MTOR: variants seen among roughly 807,000 people sequenced by gnomAD.
MTOR encodes the protein serine/threonine-protein kinase mTOR.
MTOR carries 70 observed loss-of-function variants against 319.8 expected under a neutral mutation model. That is an observed-to-expected ratio of 0.22 (90% CI 0.18 to 0.27). The LOEUF is 0.27. Among genes scored for constraint, MTOR ranks in the 10% least tolerant of loss-of-function variants. The probability of loss-of-function intolerance (pLI) is 1.00; values close to 1 mark genes in which losing one functional copy is unlikely to be tolerated. For missense variants in MTOR, 1,890 were observed against 3,274.4 expected, an observed-to-expected ratio of 0.58 and a Z score of 10.32; for synonymous variants, 1,183 against 1,211.4, an observed-to-expected ratio of 0.98 and a Z score of 0.49.
At chr1:11,184,574 A>T (rs951621444) in intron 28 of MTOR, among the ~76,000 whole-genome samples, 1 of 152,064 alleles carries the variant, frequency 6.6e-6, no homozygotes, top group African/African-American at 2.4e-5. Flanking sequence ...CTACAAAAAA[A>T]TTTAAAAACA....
Position 11,212,791 on chromosome 1 carries a change from C to T in MTOR, c.3398+5G>A. The T allele has an allele frequency of 6.2e-7, 1 of 1,606,656 alleles. No individual in the cohort carries two copies. Among genetic ancestry groups the T allele is most frequent in the Non-Finnish European group, 8.5e-7 (1 of 1,173,302 alleles). ...GATTGCTAGTCCCAAAGAGGAGGTG[C>T]TCACTTTCGAGATGGCAGTGGAGCT... On this transcript the variant is annotated splice_donor_5th_base_variant and intron_variant, in intron 22 of 57. Transcript: ENST00000361445. The surrounding 1 kb of genome is among the most constrained non-coding windows in gnomAD (Gnocchi z 4.1).
At chr1:11,189,873 T>C (rs781303690) in intron 28 of MTOR, 1 of 1,614,154 alleles carries the variant, frequency 6.2e-7, no homozygotes, top group Non-Finnish European at 8.5e-7. Flanking sequence ...TCACAGATGC[T>C]GAGAGCAAGT....
At chr1:11,240,269 C>T in intron 11 of MTOR, 34 bp downstream of exon 11, 1 of 1,515,788 alleles carries the variant, frequency 6.6e-7, no homozygotes, top group Non-Finnish European at 8.8e-7. Context: ...CAGCATCTCT[C>T]ACTATCTTGG....
chr1:11,108,421 T>C (rs767823496), intron 56 of MTOR, 135 bp from the exon 57 acceptor site: 199 of 741,630 alleles, frequency 2.7e-4, no homozygotes, highest in Non-Finnish European at 3.9e-4. Flanking sequence ...ATAGTTGGAT[T>C]TGAAAAGTTT....
chr1:11,189,931 C>A (rs753521177), intron 28 of MTOR: 1 of 1,612,480 alleles, frequency 6.2e-7, no homozygotes, highest in South Asian at 1.1e-5. Context: ...GCAGGCAGCA[C>A]AGACGGTCAC....
chr1:11,242,500 C>CAAA (rs70977555), intron 9 of MTOR, among the ~76,000 whole-genome samples: 29,225 of 52,692 alleles, frequency 0.55, 9,163 homozygotes, highest in East Asian at 0.72. Flanking sequence ...GACTCCATCT[C>CAAA]AAAAAAAAAA....
At chr1:11,131,761 CTT>C (rs1170673194) in intron 38 of MTOR, 1 of 152,254 alleles carries the variant, frequency 6.6e-6, no homozygotes, top group Non-Finnish European at 1.5e-5. Flanking sequence ...GGCATGGTAA[CTT>C]TGCAGTGATA....
rs190677109 is a variant in MTOR at position 11,199,083 on chromosome 1, G to C, written c.4253+175C>G. Among the ~76,000 whole-genome samples the C allele has an allele frequency of 6.6e-6, 1 of 152,250 alleles. No individual in the cohort carries two copies. Among genetic ancestry groups the C allele is most frequent in the Non-Finnish European group, 1.5e-5 (1 of 68,048 alleles). Reference sequence around the variant, plus strand: ...TCAACAGAAATGACAATCATGGCTAGATTCCTGGGGAGAGCCATCTGCAAC... The same window carrying C: ...TCAACAGAAATGACAATCATGGCTACATTCCTGGGGAGAGCCATCTGCAAC... On this transcript the variant is annotated intron_variant, in intron 28 of 57. Coordinates refer to ENST00000361445, the MANE Select transcript of MTOR (RefSeq NM_004958.4). This position sits in a 1 kb window ranked among gnomAD's most constrained non-coding sequence, Gnocchi z 4.5.
chr1:11,234,067 A>G (rs939290300), intron 14 of MTOR, 76 bp downstream of exon 14: 6 of 1,604,710 alleles, frequency 3.7e-6, no homozygotes, highest in South Asian at 1.1e-5. Flanking sequence ...ACTAGTGAAC[A>G]CTGAAACACT....
rs1323344163 is a variant in MTOR, at chr1:11,168,164, C to A, written c.4254-647G>T. On this transcript the variant is annotated intron_variant, in intron 28 of 57. Coordinates refer to ENST00000361445, the MANE Select transcript of MTOR (RefSeq NM_004958.4). ...TCTGAAACACCAGAAACCTTGGATA[C>A]GAAATTATCCCTGTTGTAGTACACA... Among the ~76,000 whole-genome samples, 4 of 150,652 alleles carry A rather than the reference C, an allele frequency of 2.7e-5. 1 individual carries two copies. Among genetic ancestry groups the A allele is most frequent in the South Asian group, 2.1e-4 (1 of 4,788 alleles).
rs182978758 is a variant in MTOR at position 11,236,570 on chromosome 1, C to T, written c.2208+1273G>A. Among the ~76,000 whole-genome samples the T allele has an allele frequency of 3.2e-4, 48 of 150,044 alleles. No individual in the cohort carries two copies. The East Asian group carries it at 5.7e-3, about 18-fold the overall frequency. On this transcript the variant is annotated intron_variant, in intron 13 of 57. Transcript: ENST00000361445. ...GTCGCCAGGCTGGAGTGCAGTGGCG[C>T]GCTCTCGGCTCACTGCAACCTTCAC...
intron 46 of MTOR, among the ~76,000 whole-genome samples, chr1:11,125,124 T>C (rs545916203): frequency 1.3e-5 from 2 of 152,254 alleles, no homozygotes; most frequent in Non-Finnish European, 2.9e-5. Context: ...AGATGGCCTC[T>C]CTGGCATGGT....
rs1057524049 is a variant in MTOR, at chr1:11,128,126, C to T, written c.5911G>A (p.Ala1971Thr). The T allele has an allele frequency of 6.2e-7, 1 of 1,613,516 alleles. No homozygotes were observed. The highest frequency in any genetic ancestry group is 8.5e-7 in the Non-Finnish European group (1 of 1,179,876). The change falls in exon 43 of 58, where the codon GCC becomes ACC. Residue 1971 changes from alanine (A) to threonine (T), a missense_variant and splice_region_variant. By Grantham distance (58) the Ala-to-Thr change is moderately conservative. Coordinates refer to ENST00000361445, the MANE Select transcript of MTOR (RefSeq NM_004958.4). The surrounding 1 kb of genome is among the most constrained non-coding windows in gnomAD (Gnocchi z 5.3). ...GCCACTGTCAGTGGGTAGATGAGGG[C>T]CTGAGGGAAAAACAGAAGAAACATC... Reference protein sequence around the residue: ...LTDIGRYHPQALIYPLTVASK... With the variant: ...LTDIGRYHPQTLIYPLTVASK...
chr1:11,144,869 G>C (rs564168778), intron 33 of MTOR, 99 bp downstream of exon 33: 47 of 1,512,010 alleles, frequency 3.1e-5, no homozygotes, highest in South Asian at 2.5e-4. Context: ...GAGAAAACAG[G>C]CATGTTTCCA....
In MTOR at chr1:11,139,209, ACT is replaced by A. The variant is rs1431812336; in HGVS notation, c.5130+93_5130+94del. On this transcript the variant is annotated intron_variant, in intron 36 of 57. Transcript: ENST00000361445. Reference sequence around the variant, plus strand: ...GACATTGTGAGTAGGTGGTTTAAACACTGTTTCTTTTCTGGCCTTAAAGAGGC... The same window carrying A: ...GACATTGTGAGTAGGTGGTTTAAACAGTTTCTTTTCTGGCCTTAAAGAGGC... 255 of 1,486,744 alleles carry A rather than the reference ACT, an allele frequency of 1.7e-4. 1 individual carries two copies. The highest frequency in any genetic ancestry group is 2.3e-5 in the East Asian group (1 of 43,926). 92.1% of individuals were successfully genotyped at this position (1,486,744 alleles called of 1,614,324 possible). A position where few individuals can be genotyped will look rare whatever the true frequency, so the allele number is the denominator to read the frequency against.
At position 11,128,825 on chromosome 1, in the gene MTOR, C is replaced by A. The variant is rs17848558; in HGVS notation, c.5811+30G>T. On this transcript the variant is annotated intron_variant, in intron 41 of 57. Coordinates refer to ENST00000361445, the MANE Select transcript of MTOR (RefSeq NM_004958.4). This position sits in a 1 kb window ranked among gnomAD's most constrained non-coding sequence, Gnocchi z 5.3. ...AGACACACAGAAGAGAGACTTGGAG[C>A]CACCTTCACCTGTAACCAAGTATCC... 11,637 of 1,567,806 alleles carry A rather than the reference C, an allele frequency of 7.4e-3. 401 individuals carry two copies. Among genetic ancestry groups the A allele is most frequent in the Admixed American group, 0.063 (3,716 of 59,232 alleles).
intron 28 of MTOR, among the ~76,000 whole-genome samples, chr1:11,190,299 T>A (rs904959020): frequency 6.6e-6 from 1 of 152,188 alleles, no homozygotes; most frequent in Non-Finnish European, 1.5e-5. Flanking sequence ...ACAGGCTATA[T>A]CTCAAGAAAT....
intron 29 of MTOR, among the ~76,000 whole-genome samples, chr1:11,164,267 G>A (rs912791237): frequency 1.3e-5 from 2 of 149,752 alleles, no homozygotes; most frequent in African/African-American, 2.5e-5. Context: ...CCTGGGAGGC[G>A]GAGCTTGTAG....
rs2100855169 is a variant in MTOR, at chr1:11,228,754, G to A, written c.2944C>T (p.Leu982=). 6.2e-7 allele frequency: 1 copy of A among 1,614,158 alleles called. No homozygotes were observed. The highest frequency in any genetic ancestry group is 8.5e-7 in the Non-Finnish European group (1 of 1,180,028). The change falls in exon 19 of 58, where the codon CTG becomes TTG. Residue 982 remains leucine (L), a synonymous_variant. Coordinates refer to ENST00000361445, the MANE Select transcript of MTOR (RefSeq NM_004958.4). ...AGGAACTGCACACATTTGAGTCCCA[G>A]GGACTTGAAGATGAAGGTGATGGCC... ...VQAITFIFKS[L]GLKCVQFLPQ...
Sources: allele counts gnomAD v4.1 joint callset (sites outside exome capture counted in the v4.1 genomes callset), GRCh38; gene constraint gnomAD v4.1.1; non-coding constraint Gnocchi (gnomAD v3.1); transcripts MANE v1.5; gene names NCBI Gene and HGNC (gene_info 2026-07-23, HGNC 2026-07-21).